Variants in SLC4A5 observed in about 807,000 individuals in gnomAD.
SLC4A5 encodes electrogenic sodium bicarbonate cotransporter 4.
Under a neutral mutation model 120.4 loss-of-function variants are expected in SLC4A5, and 96 were observed. That is an observed-to-expected ratio of 0.80 (90% CI 0.68 to 0.94). The LOEUF is 0.94. Ranked by LOEUF, SLC4A5 falls within the 40% of genes least tolerant of loss-of-function variation. The pLI is 0.00. For synonymous variants in SLC4A5, 550 were observed against 571.1 expected (o/e 0.96, Z 0.53); for missense variants, 1,259 against 1,459.5 (o/e 0.86, Z 2.24).
At chr2:74,312,675 G>T (rs1436399872) in intron 6 of SLC4A5, among the ~76,000 whole-genome samples, 1 of 152,160 alleles carries the variant, frequency 6.6e-6, no homozygotes, top group Non-Finnish European at 1.5e-5. Context: ...GCTCATGCCT[G>T]TAATCTCAGC....
chr2:74,271,389 T>C (rs1055841011), intron 8 of SLC4A5, among the ~76,000 whole-genome samples: 2 of 152,312 alleles, frequency 1.3e-5, no homozygotes, highest in Middle Eastern at 3.4e-3. Context: ...AAAATCTTCA[T>C]GTCTCAGTCA....
intron 10 of SLC4A5, among the ~76,000 whole-genome samples, chr2:74,263,050 G>A (rs1671191993): frequency 6.6e-6 from 1 of 152,114 alleles, no homozygotes; most frequent in Non-Finnish European, 1.5e-5. Context: ...TTTTGGGAGC[G>A]ATTTTTTGAG....
chr2:74,323,431 A>T (rs1216917820), intron 5 of SLC4A5, among the ~76,000 whole-genome samples: 1 of 152,180 alleles, frequency 6.6e-6, no homozygotes, highest in Non-Finnish European at 1.5e-5. Flanking sequence ...GTTACCCATC[A>T]TTAATCAAGA....
At chr2:74,290,865 G>T (rs1470010769) in intron 7 of SLC4A5, among the ~76,000 whole-genome samples, 2 of 152,060 alleles carry the variant, frequency 1.3e-5, no homozygotes, top group East Asian at 3.9e-4. Flanking sequence ...GTGGTCTCTA[G>T]GAGAGCCCAG....
At chr2:74,257,143 A>G (rs558340009) in intron 12 of SLC4A5, among the ~76,000 whole-genome samples, 1 of 151,548 alleles carries the variant, frequency 6.6e-6, no homozygotes, top group East Asian at 1.9e-4. Context: ...TCCCAATTCG[A>G]CTCATGTGGG....
chr2:74,300,867 C>T lies in SLC4A5; in HGVS notation c.271+3622G>A, dbSNP rs1213276600. On this transcript the variant is annotated intron_variant, in intron 7 of 30. Coordinates refer to ENST00000394019, the Ensembl canonical transcript of SLC4A5. ...GATGCCTGGGCTGGCCTCTTTCCTG[C>T]CCCTGACCTGCTGTGGGAATGAGGA... 2.0e-5 allele frequency among the ~76,000 whole-genome samples: 3 copies of T among 152,210 alleles called. No homozygotes were observed. The South Asian group carries it at 6.2e-4, about 31-fold the overall frequency.
chr2:74,226,012 C>T (rs1573001756), intron 27 of SLC4A5, among the ~76,000 whole-genome samples: 2 of 152,208 alleles, frequency 1.3e-5, no homozygotes, highest in South Asian at 2.1e-4. Flanking sequence ...CCTTCGCCAG[C>T]TCTGAGGCCC....
At position 74,342,038 on chromosome 2, in the gene SLC4A5, A is replaced by G. The variant is rs996221011; in HGVS notation, c.-270+420T>C. Among the ~76,000 whole-genome samples, 15 of 152,232 alleles carry G rather than the reference A, an allele frequency of 9.9e-5. 1 individual carries two copies. The highest frequency in any genetic ancestry group is 1.5e-5 in the Non-Finnish European group (1 of 68,040). On this transcript the variant is annotated intron_variant, in intron 2 of 30. Transcript: ENST00000394019. ...CAAATTATGTACTTCTGAGATAATA[A>G]ATTAGCAGAAGAAGCACATAGCCCA...
intron 8 of SLC4A5, among the ~76,000 whole-genome samples, chr2:74,273,757 A>G (rs1246461812): frequency 6.6e-6 from 1 of 152,246 alleles, no homozygotes; most frequent in Non-Finnish European, 1.5e-5. Context: ...ATTCACTTAG[A>G]AGCCCGTTAA....
intron 17 of SLC4A5, among the ~76,000 whole-genome samples, chr2:74,250,060 G>A (rs7568892): frequency 0.019 from 2,955 of 152,338 alleles, 101 homozygotes; most frequent in African/African-American, 0.067. Context: ...TCCAGCATCA[G>A]TGGGAAAAGT....
In SLC4A5 at chr2:74,240,041, T is replaced by TTATATATA. The variant is rs142456944; in HGVS notation, c.2119-514_2119-507dup. ...TTTATTTATATATACATATATAAAT[T>TTATATATA]TATATATATATATATATAAATGTGT... On this transcript the variant is annotated intron_variant, in intron 20 of 30. Transcript: ENST00000394019. Among the ~76,000 whole-genome samples, 1,055 of 145,364 alleles carry TTATATATA rather than the reference T, an allele frequency of 7.3e-3. 12 individuals carry two copies. Among genetic ancestry groups the TTATATATA allele is most frequent in the African/African-American group, 0.026 (1,023 of 39,976 alleles).
intron 5 of SLC4A5, among the ~76,000 whole-genome samples, chr2:74,321,841 C>T (rs773622530): frequency 6.6e-6 from 1 of 151,796 alleles, no homozygotes; most frequent in African/African-American, 2.4e-5. Flanking sequence ...AAACCATTCA[C>T]GGTATTCTGG....
At chr2:74,223,002 G>A in intron 28 of SLC4A5, 50 bp from the exon 29 acceptor site, 1 of 1,356,654 alleles carries the variant, frequency 7.4e-7, no homozygotes. Context: ...CAACAATTTG[G>A]CTTTCTTTTT....
chr2:74,341,232 G>A (rs1438226655), intron 2 of SLC4A5, among the ~76,000 whole-genome samples: 1 of 150,644 alleles, frequency 6.6e-6, no homozygotes, highest in Non-Finnish European at 1.5e-5. Flanking sequence ...TTGAACTCAG[G>A]AGGTGGAGGT....
chr2:74,247,981 T>C (rs925757646), intron 18 of SLC4A5, among the ~76,000 whole-genome samples: 1 of 152,150 alleles, frequency 6.6e-6, no homozygotes, highest in Non-Finnish European at 1.5e-5. Flanking sequence ...CCTCATGTTG[T>C]AGAGGAGGCA....
intron 10 of SLC4A5, 107 bp from the exon 11 acceptor site, chr2:74,262,339 C>T: frequency 8.1e-5 from 48 of 590,770 alleles, no homozygotes; most frequent in South Asian, 3.0e-4. Context: ...CAAGACATGT[C>T]TCTTCCCCTT....
chr2:74,328,095 C>T, intron 5 of SLC4A5, 25 bp downstream of exon 5: 1 of 984,778 alleles, frequency 1.0e-6, no homozygotes. Flanking sequence ...TCTACTTTCT[C>T]TGAAGCTTCC....
At position 74,222,758 on chromosome 2, in the gene SLC4A5, C is replaced by T. The variant is rs1294334373; in HGVS notation, c.3331+110G>A. The T allele has an allele frequency of 4.0e-6, 4 of 1,011,476 alleles. No individual in the cohort carries two copies. The Admixed American group carries it at 5.7e-5, about 14-fold the overall frequency. 62.7% of individuals were successfully genotyped at this position (1,011,476 alleles called of 1,614,324 possible). A position where few individuals can be genotyped will look rare whatever the true frequency, so the allele number is the denominator to read the frequency against. ...ATGACAAAAAAGTTGGGGACTGCTG[C>T]TCTAGCATCCAAAATGATTAGATCC... On this transcript the variant is annotated intron_variant, in intron 29 of 30. Coordinates refer to ENST00000394019, the Ensembl canonical transcript of SLC4A5.
intron 21 of SLC4A5, among the ~76,000 whole-genome samples, chr2:74,238,055 T>C (rs1047237483): frequency 2.0e-5 from 3 of 152,100 alleles, no homozygotes; most frequent in African/African-American, 7.2e-5. Context: ...TGAGCCGAGA[T>C]CATGCCATTT....
Sources: gnomAD v4.1 joint callset for allele counts (sites outside exome capture counted in the v4.1 genomes callset) on GRCh38, gnomAD v4.1.1 for gene constraint, MANE v1.5 for transcripts, NCBI Gene and HGNC (gene_info 2026-07-23, HGNC 2026-07-21) for gene names.